The following SLC25A20 variants were observed in gnomAD, a reference collection of about 807,000 sequenced individuals.
The protein encoded by SLC25A20 is mitochondrial carnitine/acylcarnitine carrier protein.
A neutral mutation model predicts 39.7 loss-of-function variants in SLC25A20; 29 were observed. The ratio of observed to expected loss-of-function variants is 0.73; its 90% CI spans 0.54 to 1.00. The LOEUF is 1.00. SLC25A20 is among the 50% of genes least tolerant of loss of function. The probability of loss-of-function intolerance (pLI) is 0.00; values close to 1 mark genes in which losing one functional copy is unlikely to be tolerated. For synonymous variants in SLC25A20, 103 were observed against 142.2 expected (o/e 0.72, Z 1.96); for missense variants, 333 against 379.9 (o/e 0.88, Z 1.03).
chr3:48,868,009 C>T lies in SLC25A20; in HGVS notation c.418-5350G>A, dbSNP rs1245385151. ...CTGGGAGGCGGAGGTTGCGGTGAGC[C>T]GAGATGGCGCCACTGCACTCCAGCC... On this transcript the variant is annotated intron_variant, in intron 4 of 8. Coordinates refer to ENST00000319017, the MANE Select transcript of SLC25A20 (RefSeq NM_000387.6). 4.6e-5 allele frequency among the ~76,000 whole-genome samples: 7 copies of T among 151,236 alleles called. No homozygotes were observed. In the Admixed American group the frequency reaches 4.6e-4, roughly 10 times the overall value.
chr3:48,879,117 C>T (rs557549226), intron 4 of SLC25A20, among the ~76,000 whole-genome samples: 3 of 152,028 alleles, frequency 2.0e-5, no homozygotes, highest in African/African-American at 7.2e-5. Context: ...GTGATCCATC[C>T]TCCTCGGCTC....
intron 4 of SLC25A20, among the ~76,000 whole-genome samples, chr3:48,875,660 T>C (rs2083750466): frequency 6.6e-6 from 1 of 152,184 alleles, no homozygotes; most frequent in African/African-American, 2.4e-5. Context: ...TCAACCTGCC[T>C]TGGCCTCACA....
At chr3:48,865,101 T>C (rs1032010470) in intron 4 of SLC25A20, among the ~76,000 whole-genome samples, 1 of 150,928 alleles carries the variant, frequency 6.6e-6, no homozygotes, top group Non-Finnish European at 1.5e-5. Context: ...TAAACTAGTC[T>C]GGAGTTCAGG....
intron 3 of SLC25A20, among the ~76,000 whole-genome samples, chr3:48,883,045 A>T (rs1224966785): frequency 4.6e-5 from 6 of 131,192 alleles, no homozygotes; most frequent in African/African-American, 1.7e-4. Context: ...AAAAAAAAAA[A>T]TTAGCCGGGC....
At chr3:48,898,210 CG>C (rs777898129) in intron 1 of SLC25A20, among the ~76,000 whole-genome samples, 4 of 152,202 alleles carry the variant, frequency 2.6e-5, no homozygotes, top group Non-Finnish European at 5.9e-5. Context: ...AGTATCTCCC[CG>C]GGCCGGGAAA....
At chr3:48,874,130 A>G (rs1024148352) in intron 4 of SLC25A20, among the ~76,000 whole-genome samples, 1 of 151,876 alleles carries the variant, frequency 6.6e-6, no homozygotes, top group African/African-American at 2.4e-5. Context: ...TGTCTCTACT[A>G]AAAATACAAA....
In SLC25A20 at chr3:48,858,557, A is replaced by C. The variant is rs757355253; in HGVS notation, c.793T>G (p.Leu265Val). 1 of 1,614,080 alleles carries C rather than the reference A, an allele frequency of 6.2e-7. No individual in the cohort carries two copies. Among genetic ancestry groups the C allele is most frequent in the Non-Finnish European group, 8.5e-7 (1 of 1,180,048 alleles). ...ELIRDEGVTS[L>V]YKGFNAVMIR... is the part of the protein sequence containing the mutation. The stretch of plus-strand genomic sequence containing the variant: ...ATCACTGCATTGAACCCTTTGTACA[A>C]GGATGTGACTCCTTCATCCCGGATC... Residue 265 changes from leucine (L) to valine (V), a missense_variant, in exon 8 of 9, where the codon TTG becomes GTG. By Grantham distance (32) the Leu-to-Val change is conservative (BLOSUM62 1). Transcript: ENST00000319017.
intron 4 of SLC25A20, among the ~76,000 whole-genome samples, chr3:48,866,957 C>G (rs187702731): frequency 1.8e-4 from 27 of 151,184 alleles, no homozygotes; most frequent in African/African-American, 6.1e-4. Context: ...CCATGCCTGG[C>G]TAATTTCTTG....
rs58122933 is a variant in SLC25A20 at position 48,867,411 on chromosome 3, A to ATT, written c.418-4754_418-4753dup. Among the ~76,000 whole-genome samples, 94 of 108,394 alleles carry ATT rather than the reference A, an allele frequency of 8.7e-4. 3 individuals are homozygous for ATT. Among genetic ancestry groups the ATT allele is most frequent in the African/African-American group, 3.0e-3 (86 of 29,058 alleles). 71.1% of individuals were successfully genotyped at this position (108,394 alleles called of 152,430 possible). On this transcript the variant is annotated intron_variant, in intron 4 of 8. Coordinates refer to ENST00000319017, the MANE Select transcript of SLC25A20 (RefSeq NM_000387.6). ...CAGGATGCGCCACCATGCCTGGGTA[A>ATT]TTTTTTTTTTTTTTTGTATTTTTAG...
intron 2 of SLC25A20, among the ~76,000 whole-genome samples, chr3:48,887,477 C>G (rs2083838167): frequency 6.6e-6 from 1 of 152,184 alleles, no homozygotes; most frequent in Admixed American, 6.6e-5. Context: ...GTCTAATGAC[C>G]AAGAGGCAGG....
chr3:48,880,219 A>G (rs1333783062), intron 3 of SLC25A20, among the ~76,000 whole-genome samples: 3 of 152,126 alleles, frequency 2.0e-5, no homozygotes, highest in African/African-American at 7.2e-5. Context: ...CCTACCATCT[A>G]TCACCCACAG....
At chr3:48,895,636 C>A in intron 1 of SLC25A20, 1 of 249,632 alleles carries the variant, frequency 4.0e-6, no homozygotes, top group Non-Finnish European at 8.3e-6. Context: ...ATTTATTATT[C>A]TTGTATTTGT....
chr3:48,897,364 TA>T (rs1290518905), intron 1 of SLC25A20, among the ~76,000 whole-genome samples: 2,150 of 105,244 alleles, frequency 0.02, 25 homozygotes, highest in Non-Finnish European at 0.027. Flanking sequence ...TATATATATA[TA>T]TATTTTTTTT....
chr3:48,873,968 CAAAAAA>C (rs11316117), intron 4 of SLC25A20, among the ~76,000 whole-genome samples: 1 of 41,076 alleles, frequency 2.4e-5, no homozygotes. Flanking sequence ...GACTCCATCT[CAAAAAA>C]AAAAAAAAAA....
chr3:48,872,921 GATAA>G (rs954473508), intron 4 of SLC25A20, among the ~76,000 whole-genome samples: 6 of 151,642 alleles, frequency 4.0e-5, no homozygotes. Context: ...AACATAAAAT[GATAA>G]ATAAAACCTA....
At chr3:48,888,905 T>G (rs2083853750) in intron 2 of SLC25A20, among the ~76,000 whole-genome samples, 1 of 151,782 alleles carries the variant, frequency 6.6e-6, no homozygotes, top group Admixed American at 6.6e-5. Flanking sequence ...GTTAACATGG[T>G]GAAACCCTGT....
At chr3:48,874,830 T>C (rs1379765719) in intron 4 of SLC25A20, among the ~76,000 whole-genome samples, 1 of 150,756 alleles carries the variant, frequency 6.6e-6, no homozygotes, top group Non-Finnish European at 1.5e-5. Flanking sequence ...GAGGATCACT[T>C]AAGGTCAGGA....
At chr3:48,889,627 G>C (rs1161183681) in intron 2 of SLC25A20, among the ~76,000 whole-genome samples, 1 of 151,930 alleles carries the variant, frequency 6.6e-6, no homozygotes, top group East Asian at 1.9e-4. Flanking sequence ...TGTTGCCCAG[G>C]CTGGAGTGCA....
At chr3:48,883,939 T>A in intron 3 of SLC25A20, 58 bp downstream of exon 3, 1 of 1,603,410 alleles carries the variant, frequency 6.2e-7, no homozygotes, top group Non-Finnish European at 8.5e-7. Flanking sequence ...TTCTTTATTT[T>A]AACCCATGTC....
Sources: allele counts gnomAD v4.1 joint callset (sites outside exome capture counted in the v4.1 genomes callset), GRCh38; gene constraint gnomAD v4.1.1; transcripts MANE v1.5; gene names NCBI Gene and HGNC (gene_info 2026-07-23, HGNC 2026-07-21).